Variants in PRKN observed in about 807,000 individuals in gnomAD.
PRKN encodes the protein E3 ubiquitin-protein ligase parkin.
In PRKN, 56 loss-of-function variants were observed where a neutral mutation model predicts 59.5. The ratio of observed to expected loss-of-function variants is 0.94; its 90% confidence interval spans 0.76 to 1.18. PRKN has a LOEUF of 1.18. Ranked by LOEUF, PRKN falls within the 50% of genes most tolerant of loss-of-function variation. The pLI, the probability that PRKN is intolerant of heterozygous loss-of-function variation, is 0.00. For synonymous variants in PRKN, 250 were observed against 222.1 expected, an observed-to-expected ratio of 1.13 and a Z score of -1.12; for missense variants, 657 against 596.4, an observed-to-expected ratio of 1.10 and a Z score of -1.06.
At chr6:162,655,107 CA>C (rs1778595429) in intron 1 of PRKN, among the ~76,000 whole-genome samples, 2 of 151,868 alleles carry the variant, frequency 1.3e-5, no homozygotes, top group South Asian at 2.1e-4. Context: ...TTTAATTCCA[CA>C]AAAAATAAAA....
At chr6:161,638,804 C>T (rs754927283) in intron 7 of PRKN, among the ~76,000 whole-genome samples, 3 of 137,238 alleles carry the variant, frequency 2.2e-5, no homozygotes, top group East Asian at 2.1e-4. Context: ...TGCAGTGGCA[C>T]GATCTCGGCT....
At chr6:162,560,703 T>C (rs953309427) in intron 1 of PRKN, among the ~76,000 whole-genome samples, 1 of 151,994 alleles carries the variant, frequency 6.6e-6, no homozygotes, top group Non-Finnish European at 1.5e-5. Flanking sequence ...ACAGATTGTG[T>C]TAACAAATTT....
intron 4 of PRKN, among the ~76,000 whole-genome samples, chr6:162,112,768 C>T (rs1780497173): frequency 6.6e-6 from 1 of 151,602 alleles, no homozygotes; most frequent in Non-Finnish European, 1.5e-5. Flanking sequence ...GTGAGACCCC[C>T]ATCTTTACAA....
chr6:161,743,234 T>TTTTTTG (rs1788266784), intron 7 of PRKN, among the ~76,000 whole-genome samples: 1 of 136,096 alleles, frequency 7.3e-6, no homozygotes, highest in African/African-American at 2.7e-5. Context: ...TTTTTTTTTT[T>TTTTTTG]TTTTTGAGAC....
intron 2 of PRKN, among the ~76,000 whole-genome samples, chr6:162,406,717 A>G (rs1459689733): frequency 1.3e-5 from 2 of 152,066 alleles, no homozygotes; most frequent in East Asian, 1.9e-4. Context: ...TCCACCATGA[A>G]AAGTTGAGGT....
At position 161,352,595 on chromosome 6, in the gene PRKN, C is replaced by G. The variant is rs1231967879; in HGVS notation, c.1286-2384G>C. The stretch of plus-strand genomic sequence containing the variant: ...TATATCATGTATCGTAAAATATATT[C>G]AATCAAAATTATTGAGCAATACATT... On this transcript the variant is annotated intron_variant, in intron 11 of 11. Transcript: ENST00000366898. The surrounding 1 kb of genome is among the most constrained non-coding windows in gnomAD (Gnocchi z 5.8). Among the ~76,000 whole-genome samples, 1 of 150,992 alleles carries G rather than the reference C, an allele frequency of 6.6e-6. No homozygotes were observed. Among genetic ancestry groups the G allele is most frequent in the Admixed American group, 6.6e-5 (1 of 15,108 alleles).
chr6:161,778,537 A>G (rs1790055377), intron 7 of PRKN, among the ~76,000 whole-genome samples: 1 of 152,214 alleles, frequency 6.6e-6, no homozygotes, highest in Admixed American at 6.5e-5. Context: ...GGGGCTCAAA[A>G]CAATTCGCAC....
intron 2 of PRKN, among the ~76,000 whole-genome samples, chr6:162,326,953 T>G (rs1344046817): frequency 6.6e-6 from 1 of 152,178 alleles, no homozygotes; most frequent in Non-Finnish European, 1.5e-5. Context: ...ATCAAAATTT[T>G]TCTCTAACTC....
chr6:161,494,842 C>G lies in PRKN; in HGVS notation c.1083+54012G>C, dbSNP rs147129196. Among the ~76,000 whole-genome samples the G allele has an allele frequency of 1.2e-3, 176 of 152,282 alleles. 1 individual carries two copies. The highest frequency in any genetic ancestry group is 4.1e-3 in the African/African-American group (171 of 41,558). ...TGTAAGATCCAAGTCTCCAGGCGAA[C>G]ATCAAGTTCTTCTAGGATTCATCCC... On this transcript the variant is annotated intron_variant, in intron 9 of 11. Transcript: ENST00000366898.
chr6:161,474,585 T>A (rs147641183), intron 9 of PRKN, among the ~76,000 whole-genome samples: 1 of 152,100 alleles, frequency 6.6e-6, no homozygotes, highest in Non-Finnish European at 1.5e-5. Context: ...ATACCAACTA[T>A]GTTCACCATT....
At chr6:161,950,812 C>T (rs1274334966) in intron 6 of PRKN, among the ~76,000 whole-genome samples, 2 of 151,578 alleles carry the variant, frequency 1.3e-5, no homozygotes, top group African/African-American at 4.9e-5. Context: ...TCACAGAACA[C>T]GTGAAAATTG....
chr6:162,691,997 A>C (rs1207163602), intron 1 of PRKN, among the ~76,000 whole-genome samples: 1 of 152,170 alleles, frequency 6.6e-6, no homozygotes, highest in Non-Finnish European at 1.5e-5. Context: ...AGATTAAAAA[A>C]AAAAATCTTT....
intron 4 of PRKN, among the ~76,000 whole-genome samples, chr6:162,123,907 A>G (rs554899035): frequency 1.6e-4 from 25 of 152,312 alleles, no homozygotes; most frequent in African/African-American, 5.3e-4. Context: ...GTTTCTTGTT[A>G]GACTATACCG....
intron 2 of PRKN, among the ~76,000 whole-genome samples, chr6:162,328,370 A>T (rs145319460): frequency 1.3e-5 from 2 of 152,270 alleles, no homozygotes; most frequent in South Asian, 2.1e-4. Flanking sequence ...GTCTCAAAAA[A>T]ACGAACAAAC....
chr6:161,943,692 TACCCTGAGGGATC>T (rs1779650906), intron 6 of PRKN, among the ~76,000 whole-genome samples: 1 of 142,278 alleles, frequency 7.0e-6, no homozygotes, highest in Non-Finnish European at 1.5e-5. Flanking sequence ...CCTGAGGAAA[TACCCTGAGGGATC>T]AGCCTGAGGG....
At chr6:162,724,151 T>C (rs1329089444) in intron 1 of PRKN, among the ~76,000 whole-genome samples, 1 of 152,214 alleles carries the variant, frequency 6.6e-6, no homozygotes, top group East Asian at 1.9e-4. Context: ...TGCTCATTTT[T>C]AAAAAAGTCA....
At chr6:162,592,157 G>A (rs777437174) in intron 1 of PRKN, among the ~76,000 whole-genome samples, 4 of 151,888 alleles carry the variant, frequency 2.6e-5, no homozygotes, top group Non-Finnish European at 5.9e-5. Context: ...TCATCACCAC[G>A]CCCGGGTAAT....
At chr6:162,719,392 G>A (rs1475511431) in intron 1 of PRKN, among the ~76,000 whole-genome samples, 1 of 152,022 alleles carries the variant, frequency 6.6e-6, no homozygotes, top group African/African-American at 2.4e-5. Context: ...GGACTTTCAG[G>A]AGAAAGGAGG....
chr6:162,186,749 A>T (rs1003512115), intron 4 of PRKN, among the ~76,000 whole-genome samples: 1 of 152,144 alleles, frequency 6.6e-6, no homozygotes, highest in Non-Finnish European at 1.5e-5. Context: ...CGTTTGTTTA[A>T]AAGTGCGTAG....
Sources: allele counts gnomAD v4.1 joint callset (sites outside exome capture counted in the v4.1 genomes callset), GRCh38; gene constraint gnomAD v4.1.1; non-coding constraint Gnocchi (gnomAD v3.1); transcripts MANE v1.5; gene names NCBI Gene and HGNC (gene_info 2026-07-23, HGNC 2026-07-21).